Variants in ALLC observed in about 807,000 individuals in gnomAD.
ALLC encodes the protein allantoicase.
In ALLC, 40 loss-of-function variants were observed where a neutral mutation model predicts 45.0. The ratio of observed to expected loss-of-function variants is 0.89; its 90% CI spans 0.69 to 1.16. ALLC has a LOEUF of 1.16. ALLC is among the 50% of genes most tolerant of loss of function. The pLI, the probability that ALLC is intolerant of heterozygous loss-of-function variation, is 0.00. For synonymous variants in ALLC, 176 were observed against 178.1 expected (o/e 0.99, Z 0.09); for missense variants, 488 against 493.1 (o/e 0.99, Z 0.10).
chr2:3,647,080 A>G, the ALLC span, among the ~76,000 whole-genome samples: 2 of 151,956 alleles, frequency 1.3e-5, no homozygotes, highest in Non-Finnish European at 2.9e-5. Flanking sequence ...TCATCCCCCC[A>G]TTGCCTCTGA....
chr2:3,683,170 G>A, intron 7 of ALLC, 96 bp downstream of exon 7: 1 of 1,328,110 alleles, frequency 7.5e-7, no homozygotes, highest in Middle Eastern at 1.9e-4. Context: ...TTCCTTCTTG[G>A]TAATTGATCT....
At chr2:3,649,463 G>C in the ALLC span, among the ~76,000 whole-genome samples, 3 of 152,078 alleles carry the variant, frequency 2.0e-5, no homozygotes, top group Non-Finnish European at 2.9e-5. Context: ...GGATGGTCTC[G>C]ATCTCCTGAC....
intron 2 of ALLC, among the ~76,000 whole-genome samples, chr2:3,673,215 C>A (rs1666939160): frequency 6.6e-6 from 1 of 152,238 alleles, no homozygotes; most frequent in Non-Finnish European, 1.5e-5. Flanking sequence ...GTTTCAAGAA[C>A]ACGCTGCGCG....
upstream of ALLC, among the ~76,000 whole-genome samples, chr2:3,655,347 C>T (rs1447950995): frequency 1.3e-5 from 2 of 152,196 alleles, no homozygotes; most frequent in South Asian, 2.1e-4. Context: ...GGGCCCAGCA[C>T]CTTGAAGTTG....
the ALLC span, among the ~76,000 whole-genome samples, chr2:3,646,913 G>T: frequency 2.7e-5 from 4 of 149,504 alleles, no homozygotes; most frequent in Non-Finnish European, 5.9e-5. Flanking sequence ...TTGTGTGTTG[G>T]GGGGCCAGGC....
Position 3,681,704 on chromosome 2 carries a change from C to T in ALLC, c.369C>T (p.Ala123=), listed in dbSNP as rs2148007766. ...CAGCCACTCCTGAGGAGTTTGAAGC[C>T]ATTGCTGAGGTACATCTCCCCCAAA... is the stretch of plus-strand genomic sequence containing the variant. ...GAAATPEEFE[A]IAELKSDDWS... Residue 123 remains alanine, a synonymous_variant, in exon 6 of 12, where the codon GCC becomes GCT. Coordinates refer to ENST00000252505, the MANE Select transcript of ALLC (RefSeq NM_018436.4). 1 of 1,608,698 alleles carries T rather than the reference C, an allele frequency of 6.2e-7. No homozygotes were observed. The highest frequency in any genetic ancestry group is 1.1e-5 in the South Asian group (1 of 89,726).
At chr2:3,669,761 T>C (rs1343112990) in intron 1 of ALLC, among the ~76,000 whole-genome samples, 1 of 152,156 alleles carries the variant, frequency 6.6e-6, no homozygotes, top group Non-Finnish European at 1.5e-5. Flanking sequence ...ACCAAGGCTT[T>C]TGCTGGAGCG....
chr2:3,671,134 C>A lies in ALLC; in HGVS notation c.-24C>A, dbSNP rs200344138. 3 of 1,608,944 alleles carry A rather than the reference C, an allele frequency of 1.9e-6. No individual in the cohort carries two copies. The South Asian group carries it at 3.4e-5, about 18-fold the overall frequency. ...TGCTCCGAAGGAGGGAAGACTGACC[C>A]GGTTTCTGGACTTCACCCAGCTGAT... On this transcript the variant is annotated 5_prime_UTR_variant, in exon 2 of 12. Coordinates refer to ENST00000252505, the MANE Select transcript of ALLC (RefSeq NM_018436.4).
the ALLC span, among the ~76,000 whole-genome samples, chr2:3,652,539 G>C: frequency 2.7e-5 from 4 of 147,364 alleles, no homozygotes; most frequent in Admixed American, 1.4e-4. Context: ...GCGTATATCA[G>C]TTAGCTTTTG....
intron 1 of ALLC, among the ~76,000 whole-genome samples, chr2:3,667,330 T>C (rs1051730221): frequency 2.0e-5 from 3 of 152,214 alleles, no homozygotes; most frequent in Admixed American, 6.5e-5. Flanking sequence ...AAGTGCATGC[T>C]CAGCCCCGGG....
Position 3,671,093 on chromosome 2 carries a change from C to T in ALLC, c.-62-3C>T. 1.9e-6 allele frequency: 3 copies of T among 1,576,998 alleles called. No homozygotes were observed. The highest frequency in any genetic ancestry group is 2.3e-5 in the South Asian group (2 of 86,162). ...GTTGACCGAGCTGCCCTCTCCCTTC[C>T]AGGAAGCACGGCTGATGCTCCGAAG... On this transcript the variant is annotated splice_region_variant and splice_polypyrimidine_tract_variant and intron_variant, in intron 1 of 11. Transcript: ENST00000252505.
At chr2:3,649,858 CCA>C in the ALLC span, among the ~76,000 whole-genome samples, 1 of 152,270 alleles carries the variant, frequency 6.6e-6, no homozygotes, top group East Asian at 1.9e-4. Flanking sequence ...CAAACAGACG[CCA>C]CAGACAGCGG....
rs757104090 is a variant in ALLC, at chr2:3,695,732, G to A, written c.527G>A (p.Arg176Gln). 38 of 1,613,866 alleles carry A rather than the reference G, an allele frequency of 2.4e-5. No homozygotes were observed. Among genetic ancestry groups the A allele is most frequent in the Non-Finnish European group, 3.0e-5 (35 of 1,179,898 alleles). Residue 176 changes from arginine to glutamine, a missense_variant, in exon 8 of 12, where the codon CGA (arginine) becomes CAA (glutamine). By Grantham distance (43) the Arg-to-Gln change is conservative. Coordinates refer to ENST00000252505, the MANE Select transcript of ALLC (RefSeq NM_018436.4). Reference sequence around the variant, plus strand: ...TCCTTTTCAGATGGTGGAATTGCACGACTTAGAGTATTCGGTACTGGACAA... The same window carrying A: ...TCCTTTTCAGATGGTGGAATTGCACAACTTAGAGTATTCGGTACTGGACAA... Reference protein sequence around the residue: ...LNIFPDGGIARLRVFGTGQKD... With the variant: ...LNIFPDGGIAQLRVFGTGQKD...
At chr2:3,649,857 G>T in the ALLC span, among the ~76,000 whole-genome samples, 2 of 152,364 alleles carry the variant, frequency 1.3e-5, no homozygotes, top group Non-Finnish European at 2.9e-5. Flanking sequence ...ACAAACAGAC[G>T]CCACAGACAG....
the ALLC span, among the ~76,000 whole-genome samples, chr2:3,651,502 A>C: frequency 2.0e-5 from 3 of 150,964 alleles, no homozygotes; most frequent in Non-Finnish European, 3.0e-5. Context: ...AGCAGGAGGC[A>C]GAGGCCGAGG....
At chr2:3,701,175 G>T (rs1667819423) in intron 10 of ALLC, among the ~76,000 whole-genome samples, 1 of 152,204 alleles carries the variant, frequency 6.6e-6, no homozygotes, top group South Asian at 2.1e-4. Context: ...ATAGCAGTCT[G>T]CAAGTAATTA....
At chr2:3,675,595 T>TAC (rs200135481) in intron 3 of ALLC, among the ~76,000 whole-genome samples, 2,999 of 151,016 alleles carry the variant, frequency 0.02, 72 homozygotes, top group African/African-American at 0.054. Flanking sequence ...TATATATATA[T>TAC]ATATACACAC....
In ALLC at chr2:3,674,126, G is replaced by A; in HGVS notation, c.84+1G>A. The A allele has an allele frequency of 6.4e-7, 1 of 1,559,486 alleles. No individual in the cohort carries two copies. Among genetic ancestry groups the A allele is most frequent in the South Asian group, 1.2e-5 (1 of 84,798 alleles). ...TGCTCCTGCAGAAAACCTCATAAAG[G>A]TATTGTAAATTGACATTCTGCAATG... On this transcript the variant is annotated splice_donor_variant, in intron 3 of 11. Transcript: ENST00000252505. LOFTEE classifies it high-confidence loss of function.
chr2:3,674,515 G>A (rs868383731), intron 3 of ALLC, among the ~76,000 whole-genome samples: 5 of 152,176 alleles, frequency 3.3e-5, no homozygotes, highest in Admixed American at 1.3e-4. Flanking sequence ...AAATGCTGAC[G>A]AACATAGGGA....
Sources: allele counts gnomAD v4.1 joint callset (sites outside exome capture counted in the v4.1 genomes callset), GRCh38; gene constraint gnomAD v4.1.1; transcripts MANE v1.5; gene names NCBI Gene and HGNC (gene_info 2026-07-23, HGNC 2026-07-21).